The following C4orf33 variants were observed in gnomAD, a reference collection of about 807,000 sequenced individuals.
The protein encoded by C4orf33 is UPF0462 protein C4orf33.
A neutral mutation model predicts 24.3 loss-of-function variants in C4orf33; 20 were observed. The observed-to-expected ratio is 0.82, with a 90% CI of 0.58 to 1.19. The LOEUF (loss-of-function observed/expected upper bound fraction) is 1.19. C4orf33 is among the 50% of genes most tolerant of loss of function. C4orf33 has a pLI of 0.00. For synonymous variants in C4orf33, 67 were observed against 76.4 expected (o/e 0.88, Z 0.64); for missense variants, 207 against 225.9 (o/e 0.92, Z 0.54).
rs563021804 is a variant in C4orf33, at chr4:129,110,380, T to C, written c.494+708T>C. Among the ~76,000 whole-genome samples the C allele has an allele frequency of 3.9e-4, 59 of 152,328 alleles. No individual in the cohort carries two copies. The South Asian group carries it at 0.012, about 32-fold the overall frequency. On this transcript the variant is annotated intron_variant, in intron 5 of 5. Coordinates refer to ENST00000425929, the MANE Select transcript of C4orf33 (RefSeq NM_001099783.2). ...CTTTCTCAATTTGAGTCTTGTTTCC[T>C]TGCACCTGTAGCTCTCACATAGGCA...
intron 2 of C4orf33, 93 bp downstream of exon 2, chr4:129,102,884 G>T: frequency 1.7e-6 from 2 of 1,162,850 alleles, no homozygotes; most frequent in Non-Finnish European, 2.4e-6. Context: ...TGGGAAGTAA[G>T]TGCTTCTGAG....
chr4:129,096,288 T>C (rs1753203850), intron 1 of C4orf33, 79 bp downstream of exon 1: 1 of 152,234 alleles, frequency 6.6e-6, no homozygotes, highest in Non-Finnish European at 1.5e-5. Flanking sequence ...GCTTGATCTC[T>C]GGAAAATACT....
intron 5 of C4orf33, 50 bp downstream of exon 5, chr4:129,109,722 A>C (rs1447587173): frequency 6.7e-7 from 1 of 1,485,936 alleles, no homozygotes; most frequent in South Asian, 1.2e-5. Context: ...AGTTTTTTCG[A>C]AATTAATTCT....
chr4:129,095,089 A>G (rs1753152219), upstream of C4orf33, among the ~76,000 whole-genome samples: 1 of 152,144 alleles, frequency 6.6e-6, no homozygotes, highest in Non-Finnish European at 1.5e-5. Context: ...AGCTTACATG[A>G]TCATAATTAT....
rs1753779600 is a variant in C4orf33 at position 129,116,535 on chromosome 4, C to A, written c.*4744C>A. On this transcript the variant is annotated 3_prime_UTR_variant, in exon 6 of 6. Coordinates refer to ENST00000425929, the MANE Select transcript of C4orf33 (RefSeq NM_001099783.2). Reference sequence around the variant, plus strand: ...AATAATGCCCTAAAGCACTGCAGTACCTAGAGTATATATTTTGAAGAGATA... The same window carrying A: ...AATAATGCCCTAAAGCACTGCAGTAACTAGAGTATATATTTTGAAGAGATA... 6.6e-6 allele frequency: 1 copy of A among 152,054 alleles called. No individual in the cohort carries two copies. Among genetic ancestry groups the A allele is most frequent in the Admixed American group, 6.6e-5 (1 of 15,256 alleles). The allele number at this position is 152,054 out of a possible 1,614,324, so 9.4% of individuals were successfully genotyped here.
chr4:129,110,977 A>C (rs570561244), intron 5 of C4orf33, among the ~76,000 whole-genome samples: 7 of 152,312 alleles, frequency 4.6e-5, no homozygotes, highest in Non-Finnish European at 7.3e-5. Context: ...TCAAGACGTC[A>C]TGTCTCTCTG....
chr4:129,112,344 T>C lies in C4orf33; in HGVS notation c.*553T>C, dbSNP rs1296784421. 6.6e-6 allele frequency: 1 copy of C among 152,166 alleles called. No individual in the cohort carries two copies. 9.4% of individuals were successfully genotyped at this position (152,166 alleles called of 1,614,324 possible). A position where few individuals can be genotyped will look rare whatever the true frequency, so the allele number is the denominator to read the frequency against. On this transcript the variant is annotated 3_prime_UTR_variant, in exon 6 of 6. Transcript: ENST00000425929. ...ACAACCTGTATGAATCTCAAAAACA[T>C]TAAGTTGAGCAAAACAAACCAAACA...
At chr4:129,109,035 C>A (rs930204959) in intron 3 of C4orf33, among the ~76,000 whole-genome samples, 1 of 152,130 alleles carries the variant, frequency 6.6e-6, no homozygotes, top group Admixed American at 6.5e-5. Context: ...TACAGGCACA[C>A]GCCACCATGC....
At chr4:129,105,465 TTAAC>T (rs1419519802) in intron 2 of C4orf33, among the ~76,000 whole-genome samples, 1 of 152,170 alleles carries the variant, frequency 6.6e-6, no homozygotes, top group African/African-American at 2.4e-5. Flanking sequence ...ACAGATACAA[TTAAC>T]TATCACAGTA....
chr4:129,106,230 G>A (rs1215113645), intron 2 of C4orf33, among the ~76,000 whole-genome samples: 1 of 152,004 alleles, frequency 6.6e-6, no homozygotes, highest in Non-Finnish European at 1.5e-5. Flanking sequence ...CTAATGAATG[G>A]CATTATACTT....
At position 129,113,802 on chromosome 4, in the gene C4orf33, C is replaced by T. The variant is rs1753735483; in HGVS notation, c.*2011C>T. 6.6e-6 allele frequency: 1 copy of T among 151,754 alleles called. No homozygotes were observed. Among genetic ancestry groups the T allele is most frequent in the South Asian group, 2.1e-4 (1 of 4,818 alleles). The allele number at this position is 151,754 out of a possible 1,614,324, so 9.4% of individuals were successfully genotyped here. A position where few individuals can be genotyped will look rare whatever the true frequency, so the allele number is the denominator to read the frequency against. On this transcript the variant is annotated 3_prime_UTR_variant, in exon 6 of 6. Coordinates refer to ENST00000425929, the MANE Select transcript of C4orf33 (RefSeq NM_001099783.2). ...AAAACATTTAATTTCCCCTCCTTCT[C>T]CTCCTTTTGCTCCTTTTTTAAATGT...
chr4:129,096,018 C>A (rs530009521), upstream of C4orf33: 4 of 152,236 alleles, frequency 2.6e-5, no homozygotes, highest in South Asian at 8.3e-4. Context: ...TTTAGTGGAA[C>A]GATTAGAAGT....
chr4:129,097,374 T>A (rs1425186067), intron 1 of C4orf33, among the ~76,000 whole-genome samples: 1 of 152,198 alleles, frequency 6.6e-6, no homozygotes, highest in South Asian at 2.1e-4. Flanking sequence ...CTGTTACCAC[T>A]CGTTTCTTGG....
chr4:129,107,201 T>TA (rs992288003), intron 3 of C4orf33, among the ~76,000 whole-genome samples: 2 of 151,962 alleles, frequency 1.3e-5, no homozygotes, highest in African/African-American at 4.8e-5. Flanking sequence ...TGCCAGGGTT[T>TA]AAAAACTAAA....
In C4orf33 at chr4:129,102,717, CT is replaced by C. The variant is rs764720155; in HGVS notation, c.108del (p.Pro37HisfsTer31). On this transcript the variant is annotated frameshift_variant, in exon 2 of 6. Coordinates refer to ENST00000425929, the MANE Select transcript of C4orf33 (RefSeq NM_001099783.2). LOFTEE classifies it high-confidence loss of function. ...AGAGGAGTGATGATGGACATTAGTGCTCCATTTTTCAGGGATCCTCCAGCCC... is the reference window on the plus strand; with the variant it reads ...AGAGGAGTGATGATGGACATTAGTGCCCATTTTTCAGGGATCCTCCAGCCC... ...GDRGVMMDIS[A>X]PFFRDPPAPL... The C allele has an allele frequency of 1.1e-5, 17 of 1,613,960 alleles. No individual in the cohort carries two copies. Among genetic ancestry groups the C allele is most frequent in the Non-Finnish European group, 1.3e-5 (15 of 1,179,966 alleles).
rs927339613 is a variant in C4orf33, at chr4:129,111,947, T to G, written c.*156T>G. ...TATAGTATCTGTGGCAAATTGTATA[T>G]GATTAACAAGAAAATATATGATTCT... On this transcript the variant is annotated 3_prime_UTR_variant, in exon 6 of 6. Coordinates refer to ENST00000425929, the MANE Select transcript of C4orf33 (RefSeq NM_001099783.2). The G allele has an allele frequency of 2.5e-5, 13 of 513,248 alleles. No homozygotes were observed. Among genetic ancestry groups the G allele is most frequent in the Admixed American group, 2.2e-4 (6 of 27,290 alleles). The allele number at this position is 513,248 out of a possible 1,614,324, so 31.8% of individuals were successfully genotyped here.
chr4:129,100,901 G>C (rs1398820826), intron 1 of C4orf33, among the ~76,000 whole-genome samples: 1 of 152,078 alleles, frequency 6.6e-6, no homozygotes, highest in African/African-American at 2.4e-5. Flanking sequence ...CCAAAATTTA[G>C]GATAGAGGAT....
At chr4:129,111,440 C>A (rs1359110696) in intron 5 of C4orf33, among the ~76,000 whole-genome samples, 1 of 152,194 alleles carries the variant, frequency 6.6e-6, no homozygotes, top group Non-Finnish European at 1.5e-5. Flanking sequence ...TTTCTCCCTT[C>A]AGCTGTGAGG....
At chr4:129,099,498 C>A (rs1286818684) in intron 1 of C4orf33, among the ~76,000 whole-genome samples, 2 of 151,634 alleles carry the variant, frequency 1.3e-5, no homozygotes, top group African/African-American at 4.8e-5. Context: ...GTGTTAGATC[C>A]AGGGACTAGA....
Sources: gnomAD v4.1 joint callset for allele counts (sites outside exome capture counted in the v4.1 genomes callset) on GRCh38, gnomAD v4.1.1 for gene constraint, MANE v1.5 for transcripts, NCBI Gene and HGNC (gene_info 2026-07-23, HGNC 2026-07-21) for gene names.